The following CDH4 variants were observed in gnomAD, a reference collection of about 807,000 sequenced individuals.
CDH4 encodes cadherin 4.
Under a neutral mutation model 86.0 loss-of-function variants are expected in CDH4, and 33 were observed. The ratio of observed to expected loss-of-function variants is 0.38; its 90% CI spans 0.29 to 0.51. CDH4 has a LOEUF of 0.51. Ranked by LOEUF, CDH4 falls within the 20% of genes least tolerant of loss-of-function variation. The pLI, the probability that CDH4 is intolerant of heterozygous loss-of-function variation, is 0.86. For synonymous variants in CDH4, 555 were observed against 549.4 expected (o/e 1.01, Z -0.14); for missense variants, 1,114 against 1,307.4 (o/e 0.85, Z 2.28).
At chr20:61,671,651 GAATGGATGGAT>G (rs902306227) in intron 2 of CDH4, among the ~76,000 whole-genome samples, 25 of 149,650 alleles carry the variant, frequency 1.7e-4, no homozygotes, top group Non-Finnish European at 3.1e-4. Flanking sequence ...ATAGATGGGT[GAATGGATGGAT>G]AATGGATGGA....
rs116340976 is a variant in CDH4 at position 61,323,952 on chromosome 20, C to T, written c.169+69015C>T. Among the ~76,000 whole-genome samples the T allele has an allele frequency of 2.6e-3, 394 of 152,206 alleles. 1 individual carries two copies. The highest frequency in any genetic ancestry group is 9.0e-3 in the African/African-American group (374 of 41,544). On this transcript the variant is annotated intron_variant, in intron 2 of 15. Coordinates refer to ENST00000614565, the MANE Select transcript of CDH4 (RefSeq NM_001794.5). ...GACAAGGCCTTTGAACCTGAAGTTA[C>T]GGGAAAATATTAGCTCTGGTGCCAG...
intron 6 of CDH4, among the ~76,000 whole-genome samples, chr20:61,872,502 C>T (rs975125848): frequency 3.9e-5 from 6 of 152,172 alleles, no homozygotes; most frequent in African/African-American, 1.2e-4. Context: ...ACTGCCACCC[C>T]GCACCTGGCC....
At chr20:61,768,530 A>G (rs113359597) in intron 3 of CDH4, among the ~76,000 whole-genome samples, 5 of 152,342 alleles carry the variant, frequency 3.3e-5, no homozygotes, top group South Asian at 2.1e-4. Context: ...GGCACCAGGG[A>G]AAATCAGCAG....
At chr20:61,775,897 C>T (rs1357725691) in intron 4 of CDH4, among the ~76,000 whole-genome samples, 1 of 152,202 alleles carries the variant, frequency 6.6e-6, no homozygotes, top group East Asian at 1.9e-4. Context: ...CACAGATAGG[C>T]TTGTAAAAGG....
chr20:61,859,871 G>A (rs1568854021), intron 6 of CDH4, among the ~76,000 whole-genome samples: 1 of 152,254 alleles, frequency 6.6e-6, no homozygotes. Flanking sequence ...CTCCACCAGG[G>A]TGGGAACATG....
chr20:61,266,449 C>T (rs769247623), intron 2 of CDH4, among the ~76,000 whole-genome samples: 3 of 151,750 alleles, frequency 2.0e-5, no homozygotes. Context: ...TTTTGCTTTG[C>T]GTTTGTTCTG....
intron 2 of CDH4, among the ~76,000 whole-genome samples, chr20:61,537,821 A>C (rs1057075272): frequency 1.3e-5 from 2 of 152,214 alleles, no homozygotes; most frequent in African/African-American, 4.8e-5. Context: ...GAGTTAGACT[A>C]GGAGAGAATG....
intron 4 of CDH4, among the ~76,000 whole-genome samples, chr20:61,797,684 G>C (rs377413506): frequency 2.2e-4 from 33 of 152,318 alleles, no homozygotes; most frequent in African/African-American, 7.5e-4. Context: ...CTCCTCGGGA[G>C]GCTGAGGCAG....
chr20:61,350,806 C>T (rs191317377), intron 2 of CDH4, among the ~76,000 whole-genome samples: 7 of 152,344 alleles, frequency 4.6e-5, no homozygotes, highest in Admixed American at 2.0e-4. Context: ...AAAGATGATG[C>T]TGTGTTGGAA....
At chr20:61,842,614 A>G (rs1330723233) in intron 4 of CDH4, among the ~76,000 whole-genome samples, 1 of 152,248 alleles carries the variant, frequency 6.6e-6, no homozygotes, top group East Asian at 1.9e-4. Flanking sequence ...TAGAGAAGAA[A>G]ACGCTTTAAA....
rs1293201044 is a variant in CDH4, at chr20:61,417,938, T to C, written c.169+163001T>C. On this transcript the variant is annotated intron_variant, in intron 2 of 15. Coordinates refer to ENST00000614565, the MANE Select transcript of CDH4 (RefSeq NM_001794.5). The surrounding 1 kb of genome is among the most constrained non-coding windows in gnomAD (Gnocchi z 4.0). Reference sequence around the variant, plus strand: ...GGAGCCTCCCATCCCTTGAGTTTTCTGAGGGGTGCACATGTTCTGTTTTAG... The same window carrying C: ...GGAGCCTCCCATCCCTTGAGTTTTCCGAGGGGTGCACATGTTCTGTTTTAG... Among the ~76,000 whole-genome samples the C allele has an allele frequency of 6.6e-6, 1 of 152,066 alleles. No individual in the cohort carries two copies. The highest frequency in any genetic ancestry group is 2.4e-5 in the African/African-American group (1 of 41,416).
intron 2 of CDH4, chr20:61,599,714 C>A (rs2086583190): frequency 2.6e-6 from 2 of 761,720 alleles, no homozygotes; most frequent in South Asian, 6.0e-5. Flanking sequence ...GCTCCTTCAT[C>A]TGCCGAGGCC....
intron 2 of CDH4, among the ~76,000 whole-genome samples, chr20:61,627,872 C>T (rs757416791): frequency 2.3e-4 from 35 of 152,044 alleles, no homozygotes; most frequent in Non-Finnish European, 4.0e-4. Flanking sequence ...CCTTTTGTGT[C>T]GGTGTCCCCC....
chr20:61,468,516 C>T (rs1280077037), intron 2 of CDH4, among the ~76,000 whole-genome samples: 1 of 152,118 alleles, frequency 6.6e-6, no homozygotes, highest in Non-Finnish European at 1.5e-5. Flanking sequence ...AGGTATCCAT[C>T]ACCTCAAGCA....
At chr20:61,414,155 C>T (rs2085134485) in intron 2 of CDH4, among the ~76,000 whole-genome samples, 1 of 152,244 alleles carries the variant, frequency 6.6e-6, no homozygotes, top group South Asian at 2.1e-4. Flanking sequence ...AATACAGTCA[C>T]GTTCTGTGCT....
At chr20:61,836,554 T>C (rs776633518) in intron 4 of CDH4, among the ~76,000 whole-genome samples, 9 of 152,200 alleles carry the variant, frequency 5.9e-5, no homozygotes, top group African/African-American at 7.2e-5. Flanking sequence ...AAGAACCTAA[T>C]TGAAAGTAAT....
At chr20:61,770,206 G>C (rs2088757910) in intron 3 of CDH4, among the ~76,000 whole-genome samples, 1 of 152,200 alleles carries the variant, frequency 6.6e-6, no homozygotes, top group Admixed American at 6.5e-5. Context: ...CTCCATGTTT[G>C]CACCTCACAT....
rs541202183 is a variant in CDH4 at position 61,712,908 on chromosome 20, A to T, written c.170-30655A>T. ...TGGGAACTCCTCGTTGACAGGCAGG[A>T]AGTCAGTTTGTGAAATGTTAATGTG... On this transcript the variant is annotated intron_variant, in intron 2 of 15. Transcript: ENST00000614565. 2.6e-5 allele frequency among the ~76,000 whole-genome samples: 4 copies of T among 152,262 alleles called. No homozygotes were observed. In the South Asian group the frequency reaches 8.3e-4, roughly 32 times the overall value.
intron 2 of CDH4, among the ~76,000 whole-genome samples, chr20:61,384,975 A>G (rs2084943128): frequency 6.6e-6 from 1 of 152,146 alleles, no homozygotes; most frequent in Admixed American, 6.5e-5. Flanking sequence ...CTCGTTTGCC[A>G]TGGGATATCA....
Sources: allele counts gnomAD v4.1 joint callset (sites outside exome capture counted in the v4.1 genomes callset), GRCh38; gene constraint gnomAD v4.1.1; non-coding constraint Gnocchi (gnomAD v3.1); transcripts MANE v1.5; gene names NCBI Gene and HGNC (gene_info 2026-07-23, HGNC 2026-07-21).